NDRG4: variants seen among roughly 807,000 people sequenced by gnomAD.
NDRG4 encodes protein NDRG4.
A neutral mutation model predicts 55.8 loss-of-function variants in NDRG4; 38 were observed. The ratio of observed to expected loss-of-function variants is 0.68; its 90% CI spans 0.53 to 0.89. NDRG4 has a LOEUF of 0.89. Ranked by LOEUF, NDRG4 falls within the 40% of genes least tolerant of loss-of-function variation. NDRG4 has a pLI of 0.00. For missense variants in NDRG4, 455 were observed against 468.6 expected (o/e 0.97, Z 0.27); for synonymous variants, 190 against 182.7 (o/e 1.04, Z -0.32).
intron 1 of NDRG4, among the ~76,000 whole-genome samples, chr16:58,478,048 A>G (rs1429451734): frequency 1.3e-5 from 2 of 152,184 alleles, no homozygotes; most frequent in South Asian, 2.1e-4. Flanking sequence ...ACAACAGACA[A>G]ACCCAAAGCG....
At chr16:58,502,980 C>T (rs1017354545) in intron 1 of NDRG4, among the ~76,000 whole-genome samples, 1 of 152,250 alleles carries the variant, frequency 6.6e-6, no homozygotes, top group Non-Finnish European at 1.5e-5. Flanking sequence ...AAATGCTCCA[C>T]AAACATTGGC....
chr16:58,504,245 A>T lies in NDRG4; in HGVS notation c.219A>T (p.Gln73His). 8 of 1,614,092 alleles carry T rather than the reference A, an allele frequency of 5.0e-6. No individual in the cohort carries two copies. Among genetic ancestry groups the T allele is most frequent in the Non-Finnish European group, 6.8e-6 (8 of 1,179,990 alleles). Residue 73 changes from glutamine to histidine, a missense_variant, in exon 3 of 15, where the codon CAA becomes CAT. By Grantham distance (24) the Gln-to-His change is conservative (BLOSUM62 0). Transcript: ENST00000570248. Reference sequence around the variant, plus strand: ...TGTGTCACGTGGATGCCCCTGGACAACAGGTGGGGGCGTCGCAGTTTCCTC... The same window carrying T: ...TGTGTCACGTGGATGCCCCTGGACATCAGGTGGGGGCGTCGCAGTTTCCTC... ...FVVCHVDAPG[Q>H]QVGASQFPQG...
At chr16:58,494,180 C>T (rs764241859) in intron 2 of NDRG4, among the ~76,000 whole-genome samples, 3 of 152,296 alleles carry the variant, frequency 2.0e-5, no homozygotes, top group East Asian at 1.9e-4. Context: ...GTGGTGCCCG[C>T]GGTCCGGTGG....
intron 1 of NDRG4, among the ~76,000 whole-genome samples, chr16:58,481,993 T>C (rs1435006716): frequency 6.6e-6 from 1 of 152,074 alleles, no homozygotes; most frequent in Non-Finnish European, 1.5e-5. Flanking sequence ...TAGCGTCGGG[T>C]AGGGTGGTGG....
rs2033385999 is a variant in NDRG4 at position 58,474,670 on chromosome 16, G to T, written c.-24+10873G>T. Reference sequence around the variant, plus strand: ...AAAGCTCCCGAAGGTAGATATGTTTGTCTGTAATGGTCAGTATTTTATCTC... The same window carrying T: ...AAAGCTCCCGAAGGTAGATATGTTTTTCTGTAATGGTCAGTATTTTATCTC... On this transcript the variant is annotated intron_variant, in intron 1 of 15. Transcript: ENST00000258187. 2.0e-5 allele frequency among the ~76,000 whole-genome samples: 3 copies of T among 152,184 alleles called. No individual in the cohort carries two copies. The South Asian group carries it at 6.2e-4, about 32-fold the overall frequency.
chr16:58,502,663 G>C (rs756176489), intron 1 of NDRG4, among the ~76,000 whole-genome samples: 4 of 152,214 alleles, frequency 2.6e-5, no homozygotes, highest in African/African-American at 9.7e-5. Context: ...ACAGGGACTA[G>C]GGTTCCTGTC....
At chr16:58,504,683 C>G (rs1421228866) in intron 5 of NDRG4, 34 bp downstream of exon 5, 2 of 1,611,884 alleles carry the variant, frequency 1.2e-6, no homozygotes, top group Admixed American at 1.7e-5. Context: ...ACCCCAAACA[C>G]CAGGGCAAGC....
rs79174890 is a variant in NDRG4, at chr16:58,484,115, A to C, written c.-23-3641A>C. Among the ~76,000 whole-genome samples the C allele has an allele frequency of 4.0e-4, 61 of 152,122 alleles. 2 individuals carry two copies. The East Asian group carries it at 0.011, about 28-fold the overall frequency. On this transcript the variant is annotated intron_variant, in intron 1 of 15. Transcript: ENST00000258187. ...TGTCTCTGAACAAACAAAAAAGGTC[A>C]TTTTTACACTTTGGGAGGCTAAGGC...
chr16:58,506,357 C>T (rs750250844), intron 5 of NDRG4, 30 bp from the exon 6 acceptor site: 27 of 1,608,484 alleles, frequency 1.7e-5, no homozygotes, highest in Middle Eastern at 1.6e-4. Context: ...ATCCTGGCCC[C>T]GCCCGGCCCT....
intron 1 of NDRG4, among the ~76,000 whole-genome samples, chr16:58,477,305 C>T (rs1183856361): frequency 6.6e-6 from 1 of 152,176 alleles, no homozygotes; most frequent in South Asian, 2.1e-4. Context: ...ACGTCATTCT[C>T]CAATAAAGGG....
At chr16:58,507,913 C>T (rs763296113) in intron 9 of NDRG4, 35 bp from the exon 10 acceptor site, 1 of 1,613,614 alleles carries the variant, frequency 6.2e-7, no homozygotes, top group Non-Finnish European at 8.5e-7. Flanking sequence ...GCCCCCATGA[C>T]CCAGCCAGAC....
chr16:58,464,088 G>T lies in NDRG4; in HGVS notation c.-24+291G>T. The T allele has an allele frequency of 3.8e-6, 1 of 263,944 alleles. No individual in the cohort carries two copies. Among genetic ancestry groups the T allele is most frequent in the East Asian group, 6.6e-5 (1 of 15,082 alleles). The allele number at this position is 263,944 out of a possible 1,614,324, so 16.4% of individuals were successfully genotyped here. The stretch of plus-strand genomic sequence containing the variant: ...CACCGCGACGCCCGGAGGCGGCGGG[G>T]TCTCTTTGTTCGGGCGGCGGGCACG... On this transcript the variant is annotated intron_variant, in intron 1 of 15. Transcript: ENST00000258187. The surrounding 1 kb of genome is among the most constrained non-coding windows in gnomAD (Gnocchi z 4.8).
rs940815882 is a variant in NDRG4 at position 58,464,147 on chromosome 16, C to T, written c.-24+350C>T. ...CCTCCCACGGTGTCACCGCACCCAC[C>T]CCGCGCCCTTCCTCCGCCTCCTGGA... On this transcript the variant is annotated intron_variant, in intron 1 of 15. Coordinates refer to the NDRG4 transcript ENST00000258187. The surrounding 1 kb of genome is among the most constrained non-coding windows in gnomAD (Gnocchi z 4.8). 8 of 357,792 alleles carry T rather than the reference C, an allele frequency of 2.2e-5. No individual in the cohort carries two copies. Among genetic ancestry groups the T allele is most frequent in the African/African-American group, 1.5e-4 (7 of 47,384 alleles). 22.2% of individuals were successfully genotyped at this position (357,792 alleles called of 1,614,324 possible). A position where few individuals can be genotyped will look rare whatever the true frequency, so the allele number is the denominator to read the frequency against.
At position 58,466,493 on chromosome 16, in the gene NDRG4, T is replaced by C. The variant is rs899914142; in HGVS notation, c.-24+2696T>C. ...ATGCACTGTTCTCTCATCTCCTGGA[T>C]AGAGGAGTCAGGACCCCTCTTCCCC... On this transcript the variant is annotated intron_variant, in intron 1 of 15. Transcript: ENST00000258187. 8.5e-5 allele frequency among the ~76,000 whole-genome samples: 13 copies of C among 152,326 alleles called. No individual in the cohort carries two copies. The East Asian group carries it at 2.5e-3, about 29-fold the overall frequency.
chr16:58,470,181 G>A (rs544960929), intron 1 of NDRG4, among the ~76,000 whole-genome samples: 1 of 152,164 alleles, frequency 6.6e-6, no homozygotes, highest in African/African-American at 2.4e-5. Context: ...TTCAAATTCT[G>A]TTTTTAAAAA....
intron 1 of NDRG4, among the ~76,000 whole-genome samples, chr16:58,482,407 C>T (rs1325793430): frequency 6.6e-6 from 1 of 152,172 alleles, no homozygotes; most frequent in Non-Finnish European, 1.5e-5. Context: ...CCTCTAACTT[C>T]ACTCCATTTA....
At chr16:58,463,930 G>A (rs1460399311) in intron 1 of NDRG4, 1 of 133,108 alleles carries the variant, frequency 7.5e-6, no homozygotes, top group Non-Finnish European at 1.6e-5. Flanking sequence ...CTAGCCCCGC[G>A]AGTCCCGCAC....
At chr16:58,488,964 TGC>T (rs1389846640) in intron 2 of NDRG4, among the ~76,000 whole-genome samples, 4 of 152,132 alleles carry the variant, frequency 2.6e-5, no homozygotes, top group Non-Finnish European at 5.9e-5. Flanking sequence ...GAAGCCTCCT[TGC>T]TGGTCTTTTT....
At chr16:58,510,828 G>T in intron 14 of NDRG4, 145 bp downstream of exon 14, 1 of 766,164 alleles carries the variant, frequency 1.3e-6, no homozygotes, top group Non-Finnish European at 2.2e-6. Flanking sequence ...AAACCCCACA[G>T]ATTCTTGCTT....
Sources: allele counts gnomAD v4.1 joint callset (sites outside exome capture counted in the v4.1 genomes callset), GRCh38; gene constraint gnomAD v4.1.1; non-coding constraint Gnocchi (gnomAD v3.1); transcripts MANE v1.5; gene names NCBI Gene and HGNC (gene_info 2026-07-23, HGNC 2026-07-21).